The following ARID1B variants were observed in gnomAD, a reference collection of about 807,000 sequenced individuals.
ARID1B encodes AT-rich interactive domain-containing protein 1B.
ARID1B carries 30 observed loss-of-function variants against 212.3 expected under a neutral mutation model. The ratio of observed to expected loss-of-function variants is 0.14; its 90% CI spans 0.11 to 0.19. ARID1B has a LOEUF of 0.19. Ranked by LOEUF, ARID1B falls within the 10% of genes least tolerant of loss-of-function variation. The pLI is 1.00. For synonymous variants in ARID1B, 1,402 were observed against 1,301.7 expected (o/e 1.08, Z -1.66); for missense variants, 2,891 against 3,204.0 (o/e 0.90, Z 2.36).
chr6:156,851,204 A>C (rs1784560098), intron 2 of ARID1B, among the ~76,000 whole-genome samples: 1 of 152,184 alleles, frequency 6.6e-6, no homozygotes, highest in African/African-American at 2.4e-5. Context: ...GCCCCCCTGC[A>C]AGCACTAGGG....
At chr6:157,029,691 C>T (rs1430081878) in intron 4 of ARID1B, among the ~76,000 whole-genome samples, 2 of 152,138 alleles carry the variant, frequency 1.3e-5, no homozygotes, top group Non-Finnish European at 2.9e-5. Context: ...GTGCAAAGGC[C>T]CTCAGGTGAA....
In ARID1B at chr6:157,056,869, TTTC is replaced by T. The variant is rs201849952; in HGVS notation, c.2248-27787_2248-27785del. 4.9e-3 allele frequency among the ~76,000 whole-genome samples: 748 copies of T among 151,598 alleles called. 10 individuals are homozygous for T. Among genetic ancestry groups the T allele is most frequent in the African/African-American group, 0.016 (665 of 41,204 alleles). On this transcript the variant is annotated intron_variant, in intron 4 of 19. Transcript: ENST00000636930. ...TTTTTTAACTTTTTTTGTTAAAACT[TTTC>T]TTCTTTTTTTGTTAAAACTTTTCTT...
chr6:156,779,516 C>T (rs931280573), intron 1 of ARID1B, 45 bp downstream of exon 1: 6 of 1,268,620 alleles, frequency 4.7e-6, no homozygotes, highest in African/African-American at 4.7e-5. Context: ...GGCGGCCTCG[C>T]CGCGCCGCGA....
intron 1 of ARID1B, among the ~76,000 whole-genome samples, chr6:156,813,237 A>G (rs991745898): frequency 1.3e-5 from 2 of 150,322 alleles, no homozygotes; most frequent in Non-Finnish European, 3.0e-5. Context: ...CCGAGTAGCT[A>G]CAACTGTAGG....
intron 8 of ARID1B, among the ~76,000 whole-genome samples, chr6:157,163,136 T>A (rs766397502): frequency 4.6e-5 from 7 of 152,264 alleles, no homozygotes; most frequent in Middle Eastern, 6.8e-3. Context: ...CACTCCTAAT[T>A]CATTTGGAGC....
At chr6:156,944,003 C>T (rs1792871687) in intron 4 of ARID1B, 1 of 152,188 alleles carries the variant, frequency 6.6e-6, no homozygotes, top group African/African-American at 2.4e-5. Context: ...AGGGCAGACT[C>T]TCAGCTAAGG....
At chr6:157,089,700 C>T (rs964328604) in intron 5 of ARID1B, among the ~76,000 whole-genome samples, 6 of 152,128 alleles carry the variant, frequency 3.9e-5, no homozygotes, top group African/African-American at 1.4e-4. Flanking sequence ...TATTCTCTCT[C>T]CTCTTCATAC....
chr6:157,057,282 C>T (rs1346562656), intron 4 of ARID1B, among the ~76,000 whole-genome samples: 2 of 152,162 alleles, frequency 1.3e-5, no homozygotes, highest in South Asian at 2.1e-4. Flanking sequence ...AGGCGTGAGC[C>T]ACCACGTGTC....
intron 2 of ARID1B, among the ~76,000 whole-genome samples, chr6:156,857,439 G>T (rs1785028620): frequency 1.3e-5 from 2 of 152,064 alleles, no homozygotes; most frequent in Non-Finnish European, 2.9e-5. Flanking sequence ...TGTGTACTTG[G>T]CCTGGGGGCT....
chr6:156,872,713 G>T (rs1046903956), intron 2 of ARID1B, among the ~76,000 whole-genome samples: 2 of 152,128 alleles, frequency 1.3e-5, no homozygotes, highest in Admixed American at 1.3e-4. Context: ...GCCTTCCAGG[G>T]ACCAGAAAAA....
chr6:157,070,921 C>T (rs1466885889), intron 4 of ARID1B, among the ~76,000 whole-genome samples: 1 of 152,170 alleles, frequency 6.6e-6, no homozygotes, highest in Non-Finnish European at 1.5e-5. Context: ...AAATTCCTTT[C>T]TAACCATAAC....
rs143390768 is a variant in ARID1B, at chr6:156,811,759, C to T, written c.1792-17468C>T. On this transcript the variant is annotated intron_variant, in intron 1 of 19. Coordinates refer to ENST00000636930, the MANE Select transcript of ARID1B (RefSeq NM_001374828.1). ...TCTTCATAGACGCTAGTCCCAAATA[C>T]AATCACATTGGACATTAGGGTTTTG... Among the ~76,000 whole-genome samples the T allele has an allele frequency of 4.0e-3, 604 of 152,292 alleles. 2 individuals are homozygous for T. Among genetic ancestry groups the T allele is most frequent in the African/African-American group, 0.014 (565 of 41,564 alleles).
intron 6 of ARID1B, 198 bp downstream of exon 6, chr6:157,110,759 G>A: frequency 1.6e-6 from 1 of 616,232 alleles, no homozygotes; most frequent in Non-Finnish European, 2.9e-6. Flanking sequence ...TGGGTGAAGT[G>A]TGGTCAAAGT....
At chr6:156,898,347 T>C (rs1037864401) in intron 2 of ARID1B, among the ~76,000 whole-genome samples, 1 of 152,088 alleles carries the variant, frequency 6.6e-6, no homozygotes, top group Admixed American at 6.6e-5. Context: ...GGGCCCTCCT[T>C]GTGTGGGCAG....
rs147648024 is a variant in ARID1B, at chr6:156,892,011, A to G, written c.1987-9365A>G. Among the ~76,000 whole-genome samples the G allele has an allele frequency of 2.4e-3, 360 of 148,784 alleles. 1 individual carries two copies. Among genetic ancestry groups the G allele is most frequent in the African/African-American group, 7.9e-3 (320 of 40,318 alleles). ...CTCACTCTCCTGAGTAGCTGGGACT[A>G]CAGGTGTGCATCACCACACCCAGCG... On this transcript the variant is annotated intron_variant, in intron 2 of 19. Transcript: ENST00000636930.
intron 5 of ARID1B, among the ~76,000 whole-genome samples, chr6:157,100,758 G>A (rs1231739413): frequency 6.6e-6 from 1 of 152,184 alleles, no homozygotes; most frequent in African/African-American, 2.4e-5. Flanking sequence ...GAGATAAGAT[G>A]TACAGTGATT....
rs1273930929 is a variant in ARID1B, at chr6:157,203,172, T to C, written c.5264-694T>C. On this transcript the variant is annotated intron_variant, in intron 18 of 19. Transcript: ENST00000636930. This position sits in a 1 kb window ranked among gnomAD's most constrained non-coding sequence, Gnocchi z 4.4. ...GGCAGCTCCAGGGATCTGGCCGAGC[T>C]GGGTCTCATGGCAAATCTTCCAAAC... Among the ~76,000 whole-genome samples, 1 of 152,202 alleles carries C rather than the reference T, an allele frequency of 6.6e-6. No individual in the cohort carries two copies. The highest frequency in any genetic ancestry group is 1.5e-5 in the Non-Finnish European group (1 of 68,028).
chr6:157,003,793 G>T (rs1413746271), intron 4 of ARID1B, among the ~76,000 whole-genome samples: 1 of 152,106 alleles, frequency 6.6e-6, no homozygotes, highest in Non-Finnish European at 1.5e-5. Flanking sequence ...GGCTGAAACA[G>T]TCCTCCTGCC....
intron 4 of ARID1B, among the ~76,000 whole-genome samples, chr6:156,961,770 G>C (rs138442681): frequency 6.6e-6 from 1 of 152,298 alleles, no homozygotes; most frequent in Non-Finnish European, 1.5e-5. Context: ...GGAGCAACTC[G>C]TGTCTGATCT....
Sources: gnomAD v4.1 joint callset for allele counts (sites outside exome capture counted in the v4.1 genomes callset) on GRCh38, gnomAD v4.1.1 for gene constraint, Gnocchi (gnomAD v3.1) non-coding constraint, MANE v1.5 for transcripts, NCBI Gene and HGNC (gene_info 2026-07-23, HGNC 2026-07-21) for gene names.